Variants in SH3RF1 observed in about 807,000 individuals in gnomAD.
The protein encoded by SH3RF1 is SH3 domain containing ring finger 1.
Under a neutral mutation model 74.0 loss-of-function variants are expected in SH3RF1, and 32 were observed. That is an observed-to-expected ratio of 0.43 (90% confidence interval 0.33 to 0.58). The LOEUF is 0.58. Ranked by LOEUF, SH3RF1 falls within the 20% of genes least tolerant of loss-of-function variation. The pLI is 0.05. For missense variants in SH3RF1, 954 were observed against 1,130.9 expected, an observed-to-expected ratio of 0.84 and a Z score of 2.24; for synonymous variants, 396 against 439.6, an observed-to-expected ratio of 0.90 and a Z score of 1.24.
intron 2 of SH3RF1, among the ~76,000 whole-genome samples, chr4:169,264,066 C>T (rs1255376674): frequency 1.3e-5 from 2 of 152,186 alleles, no homozygotes; most frequent in Non-Finnish European, 2.9e-5. Context: ...ACTCAAGGGG[C>T]TGACCTTTAG....
chr4:169,244,265 A>G (rs1730958956), intron 2 of SH3RF1, among the ~76,000 whole-genome samples: 1 of 152,194 alleles, frequency 6.6e-6, no homozygotes, highest in Non-Finnish European at 1.5e-5. Flanking sequence ...ATGTGCATGC[A>G]CCCACCACCA....
chr4:169,153,471 AG>A (rs1333596829), intron 4 of SH3RF1, among the ~76,000 whole-genome samples: 1 of 152,250 alleles, frequency 6.6e-6, no homozygotes, highest in Non-Finnish European at 1.5e-5. Context: ...ATAGGTTTAC[AG>A]AGCTAGAGAA....
chr4:169,166,648 G>T, intron 2 of SH3RF1: 1 of 205,204 alleles, frequency 4.9e-6, no homozygotes, highest in Non-Finnish European at 1.0e-5. Context: ...AAGCTGCTGA[G>T]CCACAGCAAA....
intron 2 of SH3RF1, among the ~76,000 whole-genome samples, chr4:169,222,831 G>A (rs1561057121): frequency 6.6e-6 from 1 of 151,998 alleles, no homozygotes; most frequent in Admixed American, 6.6e-5. Flanking sequence ...TGCTCCCAAC[G>A]ACACTTCCAA....
At chr4:169,175,937 T>C (rs1734413204) in intron 2 of SH3RF1, among the ~76,000 whole-genome samples, 2 of 152,066 alleles carry the variant, frequency 1.3e-5, no homozygotes, top group Admixed American at 6.6e-5. Context: ...CCACAGGGGA[T>C]GAGGTCATGG....
chr4:169,106,919 G>C lies in SH3RF1; in HGVS notation c.2426C>G (p.Ala809Gly), dbSNP rs774164558. The change falls in exon 11 of 12, where the codon GCT becomes GGT. Residue 809 changes from alanine (A) to glycine (G), a missense_variant. Physicochemically the swap from Ala to Gly is moderately conservative, Grantham distance 60. This residue lies in a region of SH3RF1 where 854 missense variants were observed against 962.5 expected (regional missense o/e 0.89). Transcript: ENST00000284637. ...GGAACAGGCCTGGCGAGGAGGTGGA[G>C]CGATGGGAACTGCGGAGTCCAGGGA... The part of the protein sequence containing the change: ...ASSLDSAVPI[A>G]PPPRQACSSL... 2.2e-5 allele frequency: 36 copies of C among 1,613,646 alleles called. No individual in the cohort carries two copies. Among genetic ancestry groups the C allele is most frequent in the Non-Finnish European group, 2.8e-5 (33 of 1,180,014 alleles).
At chr4:169,228,388 G>GTT (rs35946301) in intron 2 of SH3RF1, among the ~76,000 whole-genome samples, 97 of 151,822 alleles carry the variant, frequency 6.4e-4, no homozygotes, top group Admixed American at 9.8e-4. Flanking sequence ...GCAGCGCTGT[G>GTT]TTTTTTTTCT....
chr4:169,170,356 A>C (rs1734305486), intron 2 of SH3RF1, among the ~76,000 whole-genome samples: 1 of 152,218 alleles, frequency 6.6e-6, no homozygotes, highest in Non-Finnish European at 1.5e-5. Flanking sequence ...TTTGTTAAGC[A>C]TTTCGTGTAT....
At chr4:169,264,601 C>T (rs556526486) in intron 2 of SH3RF1, among the ~76,000 whole-genome samples, 5 of 152,306 alleles carry the variant, frequency 3.3e-5, no homozygotes, top group Admixed American at 1.3e-4. Flanking sequence ...GAATTCCCTA[C>T]CTTTCTTTCC....
intron 2 of SH3RF1, among the ~76,000 whole-genome samples, chr4:169,183,242 A>G (rs1734543276): frequency 6.6e-6 from 1 of 152,140 alleles, no homozygotes; most frequent in African/African-American, 2.4e-5. Context: ...AGAGGTTGCA[A>G]AGAGCCGAGA....
rs545427615 is a variant in SH3RF1 at position 169,113,880 on chromosome 4, G to A, written c.2139+2389C>T. ...ATAGCATTAGAGAAAAGACACAAGG[G>A]GACACACCTGCAAATACCTCAGGGC... On this transcript the variant is annotated intron_variant, in intron 10 of 11. Coordinates refer to ENST00000284637, the MANE Select transcript of SH3RF1 (RefSeq NM_020870.4). Among the ~76,000 whole-genome samples the A allele has an allele frequency of 5.9e-5, 9 of 152,202 alleles. No homozygotes were observed. The South Asian group carries it at 1.9e-3, about 32-fold the overall frequency.
intron 2 of SH3RF1, among the ~76,000 whole-genome samples, chr4:169,224,286 T>C (rs1730619010): frequency 6.6e-6 from 1 of 152,060 alleles, no homozygotes; most frequent in African/African-American, 2.4e-5. Flanking sequence ...AAATGGCATA[T>C]TGCCTATTTC....
At chr4:169,188,184 A>G (rs1357504080) in intron 2 of SH3RF1, among the ~76,000 whole-genome samples, 2 of 152,230 alleles carry the variant, frequency 1.3e-5, no homozygotes, top group Non-Finnish European at 2.9e-5. Context: ...GTTTTAATCT[A>G]CAAAGTTTTT....
Position 169,156,411 on chromosome 4 carries a change from A to G in SH3RF1, c.662T>C (p.Phe221Ser). 1 of 1,588,938 alleles carries G rather than the reference A, an allele frequency of 6.3e-7. No homozygotes were observed. Among genetic ancestry groups the G allele is most frequent in the African/African-American group, 1.3e-5 (1 of 74,302 alleles). The stretch of plus-strand genomic sequence containing the variant: ...AGCACATTCTACCTTTACCTTTGCA[A>G]ATGGAAGGCAATCTTTGTCTGCTTC... ...DKEADKDCLP[F>S]AKDDVLTVIR... Residue 221 changes from phenylalanine to serine, a missense_variant, in exon 3 of 12, where the codon TTT becomes TCT. Phe to Ser is a radical substitution (Grantham distance 155). Coordinates refer to ENST00000284637, the MANE Select transcript of SH3RF1 (RefSeq NM_020870.4).
chr4:169,189,112 G>A (rs2126983472), intron 2 of SH3RF1, among the ~76,000 whole-genome samples: 2 of 152,336 alleles, frequency 1.3e-5, no homozygotes, highest in South Asian at 2.1e-4. Context: ...GTCAGTTCAA[G>A]TAGAAGCTTT....
chr4:169,134,227 G>GT (rs1482077492), intron 5 of SH3RF1, among the ~76,000 whole-genome samples: 1 of 152,182 alleles, frequency 6.6e-6, no homozygotes, highest in Non-Finnish European at 1.5e-5. Flanking sequence ...GGGTGGAATG[G>GT]TTGAAGGGGA....
At chr4:169,185,380 A>C (rs945886359) in intron 2 of SH3RF1, among the ~76,000 whole-genome samples, 1 of 152,188 alleles carries the variant, frequency 6.6e-6, no homozygotes, top group African/African-American at 2.4e-5. Context: ...GAATTCTAAA[A>C]TTTTGCAAGT....
intron 2 of SH3RF1, among the ~76,000 whole-genome samples, chr4:169,159,141 G>T (rs1269896434): frequency 6.6e-6 from 1 of 151,950 alleles, no homozygotes; most frequent in Non-Finnish European, 1.5e-5. Context: ...ATTCTGCTGT[G>T]CCCAGAAAGG....
chr4:169,226,373 G>C (rs796660289), intron 2 of SH3RF1, among the ~76,000 whole-genome samples: 7 of 152,150 alleles, frequency 4.6e-5, no homozygotes, highest in African/African-American at 1.7e-4. Flanking sequence ...CATCACAGTT[G>C]TCGTGTCTAC....
Sources: gnomAD v4.1 joint callset for allele counts (sites outside exome capture counted in the v4.1 genomes callset) on GRCh38, gnomAD v4.1.1 for gene constraint, gnomAD v4.1.1 regional missense constraint, MANE v1.5 for transcripts, NCBI Gene and HGNC (gene_info 2026-07-23, HGNC 2026-07-21) for gene names.